SEL1L: variants seen among roughly 807,000 people sequenced by gnomAD.
The protein encoded by SEL1L is protein sel-1 homolog 1.
Under a neutral mutation model 109.8 loss-of-function variants are expected in SEL1L, and 52 were observed. The ratio of observed to expected loss-of-function variants is 0.47; its 90% CI spans 0.38 to 0.60. The LOEUF is 0.60. Ranked by LOEUF, SEL1L falls within the 20% of genes least tolerant of loss-of-function variation. The pLI is 0.00. For missense variants in SEL1L, 749 were observed against 962.2 expected (o/e 0.78, Z 2.93); for synonymous variants, 373 against 339.6 (o/e 1.10, Z -1.08).
chr14:81,499,780 G>C (rs1321848487), intron 6 of SEL1L, 118 bp from the exon 7 acceptor site: 4 of 667,806 alleles, frequency 6.0e-6, no homozygotes, highest in Non-Finnish European at 7.1e-6. Context: ...AATGCTAAAA[G>C]ATTTGAATTC....
At chr14:81,529,144 A>G (rs1290334513) in intron 1 of SEL1L, among the ~76,000 whole-genome samples, 1 of 152,178 alleles carries the variant, frequency 6.6e-6, no homozygotes, top group Non-Finnish European at 1.5e-5. Context: ...CACAGCGCCC[A>G]TAACATTAGG....
In SEL1L at chr14:81,506,207, C is replaced by A; in HGVS notation, c.375G>T (p.Glu125Asp). 1 of 1,612,660 alleles carries A rather than the reference C, an allele frequency of 6.2e-7. No homozygotes were observed. The highest frequency in any genetic ancestry group is 1.3e-5 in the African/African-American group (1 of 74,924). The part of the protein sequence containing the change: ...LTAIEGTAHG[E>D]PCHFPFLFLD... ...GGAAAAGAAAAGGGAAGTGGCAGGG[C>A]TCCCCATGTGCTGTGCCTTCAATGG... The change falls in exon 4 of 21, where the codon GAG (glutamate) becomes GAT (aspartate). Residue 125 changes from glutamate (E) to aspartate (D), a missense_variant. This residue lies in a region of SEL1L where 366 missense variants were observed against 399.8 expected (regional missense o/e 0.92). Coordinates refer to ENST00000336735, the MANE Select transcript of SEL1L (RefSeq NM_005065.6).
intron 3 of SEL1L, among the ~76,000 whole-genome samples, chr14:81,518,367 T>TA (rs1029129565): frequency 6.6e-6 from 1 of 151,384 alleles, no homozygotes; most frequent in Non-Finnish European, 1.5e-5. Flanking sequence ...AAATGTGTTT[T>TA]AAAAAAGGTA....
At chr14:81,516,878 C>A (rs536121824) in intron 3 of SEL1L, among the ~76,000 whole-genome samples, 1 of 152,162 alleles carries the variant, frequency 6.6e-6, no homozygotes, top group East Asian at 1.9e-4. Context: ...CTCCAGACTT[C>A]CCCCCCATGT....
intron 1 of SEL1L, 32 bp from the exon 2 acceptor site, chr14:81,527,770 C>A: frequency 6.6e-7 from 1 of 1,513,076 alleles, no homozygotes; most frequent in Non-Finnish European, 9.1e-7. Flanking sequence ...ATTTAGTAAT[C>A]TTTCTTGTTG....
intron 19 of SEL1L, among the ~76,000 whole-genome samples, chr14:81,483,947 T>C (rs1275609125): frequency 6.6e-6 from 1 of 152,200 alleles, no homozygotes; most frequent in Admixed American, 6.5e-5. Context: ...AGATAGTTTC[T>C]CAAACAAGTA....
intron 1 of SEL1L, among the ~76,000 whole-genome samples, chr14:81,530,414 C>T (rs1038921947): frequency 6.6e-6 from 1 of 152,164 alleles, no homozygotes; most frequent in African/African-American, 2.4e-5. Context: ...ACACCTCTGT[C>T]CCGCTGACTC....
At chr14:81,529,918 T>C (rs1885260511) in intron 1 of SEL1L, among the ~76,000 whole-genome samples, 1 of 152,220 alleles carries the variant, frequency 6.6e-6, no homozygotes, top group Admixed American at 6.5e-5. Context: ...AGTAATGTTT[T>C]CATCAGAACA....
At chr14:81,492,118 C>T (rs1272978503) in intron 12 of SEL1L, among the ~76,000 whole-genome samples, 2 of 151,714 alleles carry the variant, frequency 1.3e-5, no homozygotes, top group East Asian at 1.9e-4. Flanking sequence ...CAGCCTCCCA[C>T]GTAGCTGGGA....
At chr14:81,509,742 C>T (rs1884386700) in intron 3 of SEL1L, among the ~76,000 whole-genome samples, 1 of 152,150 alleles carries the variant, frequency 6.6e-6, no homozygotes, top group East Asian at 1.9e-4. Context: ...ACAATCTCTT[C>T]AAGAGGGGGC....
In SEL1L at chr14:81,487,579, G is replaced by C. The variant is rs182975349; in HGVS notation, c.1484-41C>G. The C allele has an allele frequency of 4.4e-6, 7 of 1,577,722 alleles. No homozygotes were observed. In the African/African-American group the frequency reaches 8.3e-5, roughly 19 times the overall value. ...AAATCACACGAGATAATAGACTTAA[G>C]ATTTAGCTAAGTATCAGAGAAGGCT... is the stretch of plus-strand genomic sequence containing the variant. On this transcript the variant is annotated intron_variant, in intron 15 of 20. Transcript: ENST00000336735.
chr14:81,507,256 A>C (rs552972613), intron 3 of SEL1L, among the ~76,000 whole-genome samples: 2 of 152,354 alleles, frequency 1.3e-5, no homozygotes, highest in South Asian at 4.1e-4. Flanking sequence ...TTTTATTAAA[A>C]GAGTGGAAAG....
chr14:81,515,545 A>G (rs1213222111), intron 3 of SEL1L, among the ~76,000 whole-genome samples: 3 of 152,208 alleles, frequency 2.0e-5, no homozygotes, highest in Admixed American at 6.5e-5. Context: ...GACTCAGATC[A>G]TGGGGACTGG....
chr14:81,477,358 TCAA>T (rs1903197805), intron 20 of SEL1L, among the ~76,000 whole-genome samples, 177 bp from the exon 21 acceptor site: 1 of 149,940 alleles, frequency 6.7e-6, no homozygotes. Context: ...TTAAAAGCCT[TCAA>T]CTGAAGCTCA....
chr14:81,514,271 G>GC (rs2140039806), intron 3 of SEL1L, among the ~76,000 whole-genome samples: 1 of 152,324 alleles, frequency 6.6e-6, no homozygotes. Context: ...GATATGGGGA[G>GC]CCTCAGAAAT....
intron 10 of SEL1L, among the ~76,000 whole-genome samples, chr14:81,495,455 G>A (rs539432275): frequency 2.0e-5 from 3 of 152,174 alleles, no homozygotes; most frequent in African/African-American, 7.2e-5. Flanking sequence ...GGGCAACATC[G>A]CAAAATCCTG....
chr14:81,511,363 T>G (rs1052998320), intron 3 of SEL1L, among the ~76,000 whole-genome samples: 1 of 152,160 alleles, frequency 6.6e-6, no homozygotes, highest in Non-Finnish European at 1.5e-5. Flanking sequence ...GTGGCAAACT[T>G]CATATTAATC....
chr14:81,500,276 T>A (rs2140014175), intron 6 of SEL1L, among the ~76,000 whole-genome samples: 1 of 152,214 alleles, frequency 6.6e-6, no homozygotes. Flanking sequence ...CTCTGTCGCC[T>A]AGGCTGGAGA....
At chr14:81,489,157 C>A (rs1883447634) in intron 14 of SEL1L, 95 bp downstream of exon 14, 1 of 1,083,922 alleles carries the variant, frequency 9.2e-7, no homozygotes. Flanking sequence ...AATGGAACAG[C>A]CCCACCTGGG....
Sources: allele counts gnomAD v4.1 joint callset (sites outside exome capture counted in the v4.1 genomes callset), GRCh38; gene constraint gnomAD v4.1.1; regional missense constraint gnomAD v4.1.1; transcripts MANE v1.5; gene names NCBI Gene and HGNC (gene_info 2026-07-23, HGNC 2026-07-21).